The following TG variants were observed in gnomAD, a reference collection of about 807,000 sequenced individuals.
TG encodes thyroid hormones.
TG carries 270 observed loss-of-function variants against 324.7 expected under a neutral mutation model. The observed-to-expected ratio is 0.83, with a 90% CI of 0.75 to 0.92. The LOEUF (loss-of-function observed/expected upper bound fraction) is 0.92, where lower values mean the gene tolerates loss of function less well. Among genes scored for constraint, TG ranks in the 40% least tolerant of loss-of-function variants. The pLI, the probability that TG is intolerant of heterozygous loss-of-function variation, is 0.00. For synonymous variants in TG, 1,401 were observed against 1,327.0 expected (o/e 1.06, Z -1.21); for missense variants, 3,591 against 3,456.4 (o/e 1.04, Z -0.98).
chr8:132,882,944 C>A lies in TG; in HGVS notation c.1020C>A (p.Asp340Glu). 1.9e-6 allele frequency: 3 copies of A among 1,614,088 alleles called. No individual in the cohort carries two copies. Among genetic ancestry groups the A allele is most frequent in the Non-Finnish European group, 2.5e-6 (3 of 1,179,980 alleles). Residue 340 changes from aspartate (D) to glutamate (E), a missense_variant, in exon 8 of 48, where the codon GAC (aspartate) becomes GAA (glutamate). Coordinates refer to ENST00000220616, the MANE Select transcript of TG (RefSeq NM_003235.5). ...CQTEGPCWCV[D>E]AQGKEMHGTR... ...CGGAAGGGCCCTGCTGGTGTGTGGA[C>A]GCCCAGGGGAAGGAAATGCATGGAA...
intron 37 of TG, among the ~76,000 whole-genome samples, chr8:133,016,339 C>T (rs1835024510): frequency 1.3e-5 from 2 of 152,196 alleles, no homozygotes; most frequent in African/African-American, 4.8e-5. Context: ...TGTAGGATGT[C>T]TAACAACAGC....
chr8:133,131,685 A>T, intron 45 of TG, 127 bp from the exon 46 acceptor site: 1 of 1,375,318 alleles, frequency 7.3e-7, no homozygotes, highest in East Asian at 2.4e-5. Context: ...TAAACAGGAT[A>T]CTTGGATATG....
chr8:132,903,437 G>A (rs1818213976), intron 16 of TG, among the ~76,000 whole-genome samples: 1 of 152,240 alleles, frequency 6.6e-6, no homozygotes, highest in African/African-American at 2.4e-5. Context: ...GGTGGGAACA[G>A]CCAGCATTGG....
intron 34 of TG, among the ~76,000 whole-genome samples, chr8:132,973,772 C>G (rs1290311652): frequency 6.6e-6 from 1 of 152,152 alleles, no homozygotes; most frequent in Non-Finnish European, 1.5e-5. Flanking sequence ...AAAGATGGAA[C>G]ACCCTGTGTT....
At chr8:133,093,297 C>CT in intron 41 of TG, among the ~76,000 whole-genome samples, 1 of 152,292 alleles carries the variant, frequency 6.6e-6, no homozygotes, top group South Asian at 2.1e-4. Context: ...CTTGGCCTGG[C>CT]TGAGTAGTTT....
intron 41 of TG, among the ~76,000 whole-genome samples, chr8:133,078,067 C>G (rs1035390477): frequency 1.3e-5 from 2 of 152,208 alleles, no homozygotes; most frequent in Non-Finnish European, 2.9e-5. Context: ...GGACTCAGCT[C>G]TGCAGCACGT....
At chr8:132,924,205 A>T (rs887844591) in intron 22 of TG, among the ~76,000 whole-genome samples, 2 of 152,000 alleles carry the variant, frequency 1.3e-5, no homozygotes, top group Admixed American at 1.3e-4. Flanking sequence ...GATCCCTCAC[A>T]TGCACAGTTC....
At chr8:132,888,613 G>GTGTGTGTGTGTGTT (rs1815775576) in intron 10 of TG, 45 bp downstream of exon 10, 1 of 1,537,910 alleles carries the variant, frequency 6.5e-7, no homozygotes, top group African/African-American at 1.4e-5. Flanking sequence ...GTGTGTGTGT[G>GTGTGTGTGTGTGTT]TGTGTGTGTA....
intron 41 of TG, among the ~76,000 whole-genome samples, chr8:133,079,715 T>G (rs1014723282): frequency 4.6e-5 from 7 of 152,120 alleles, no homozygotes; most frequent in Non-Finnish European, 7.3e-5. Flanking sequence ...TATTCAAAAG[T>G]TTGGAAGAAG....
intron 41 of TG, among the ~76,000 whole-genome samples, chr8:133,039,151 T>A (rs1228850599): frequency 2.6e-5 from 4 of 152,338 alleles, no homozygotes; most frequent in African/African-American, 9.6e-5. Flanking sequence ...AGTGCTGGGG[T>A]TACAGGCGTG....
intron 40 of TG, among the ~76,000 whole-genome samples, chr8:133,022,896 A>G (rs544661986): frequency 1.3e-5 from 2 of 152,332 alleles, no homozygotes; most frequent in South Asian, 4.1e-4. Context: ...CCTTTCACCC[A>G]GTCTCAGTCT....
chr8:133,113,683 A>T (rs1253841591), intron 44 of TG, 80 bp downstream of exon 44: 1 of 1,509,322 alleles, frequency 6.6e-7, no homozygotes, highest in African/African-American at 1.4e-5. Flanking sequence ...GTCATGAATG[A>T]GAAATAAAGG....
intron 40 of TG, among the ~76,000 whole-genome samples, chr8:133,027,413 C>A (rs1412610265): frequency 6.6e-6 from 1 of 152,144 alleles, no homozygotes. Flanking sequence ...TGGGCCCAAG[C>A]CTCAAAGCAC....
chr8:133,031,448 A>G (rs1330414409), intron 41 of TG, among the ~76,000 whole-genome samples: 2 of 152,226 alleles, frequency 1.3e-5, no homozygotes, highest in African/African-American at 4.8e-5. Flanking sequence ...GCCTTTAAGC[A>G]GGAAGGAAAC....
At chr8:132,950,428 C>A (rs1184703739) in intron 27 of TG, among the ~76,000 whole-genome samples, 1 of 152,212 alleles carries the variant, frequency 6.6e-6, no homozygotes, top group Non-Finnish European at 1.5e-5. Flanking sequence ...GAGACTCTCT[C>A]CTGCCTCCCA....
At chr8:133,053,905 A>T (rs2739182) in intron 41 of TG, among the ~76,000 whole-genome samples, 38,243 of 152,008 alleles carry the variant, frequency 0.25, 5,716 homozygotes, top group East Asian at 0.56. Context: ...GCTTTTGCTT[A>T]AGGGTCAGAT....
intron 20 of TG, among the ~76,000 whole-genome samples, chr8:132,917,889 AT>A (rs71299038): frequency 0.035 from 4,867 of 138,764 alleles, 115 homozygotes; most frequent in African/African-American, 0.065. Flanking sequence ...GGTTTTTGCA[AT>A]TTTTTTTTTT....
At chr8:132,966,726 C>T (rs1828618220) in intron 30 of TG, 29 bp downstream of exon 30, 3 of 1,613,396 alleles carry the variant, frequency 1.9e-6, no homozygotes, top group Non-Finnish European at 2.5e-6. Flanking sequence ...CATTCTTCTT[C>T]TTCCAGACAC....
chr8:133,083,807 C>G lies in TG; in HGVS notation c.7240-11237C>G, dbSNP rs142975351. Among the ~76,000 whole-genome samples, 391 of 152,270 alleles carry G rather than the reference C, an allele frequency of 2.6e-3. 1 individual carries two copies. The highest frequency in any genetic ancestry group is 8.9e-3 in the African/African-American group (370 of 41,550). ...GCAGGCTCACGGACTCACATGTGCC[C>G]TTCTCATCCAGTGCCCTGCTGCCCC... On this transcript the variant is annotated intron_variant, in intron 41 of 47. Coordinates refer to ENST00000220616, the MANE Select transcript of TG (RefSeq NM_003235.5).
Sources: allele counts gnomAD v4.1 joint callset (sites outside exome capture counted in the v4.1 genomes callset), GRCh38; gene constraint gnomAD v4.1.1; transcripts MANE v1.5; gene names NCBI Gene and HGNC (gene_info 2026-07-23, HGNC 2026-07-21).